Variants in ANKRD22 observed in about 807,000 individuals in gnomAD.
ANKRD22 encodes ankyrin repeat domain-containing protein 22.
A neutral mutation model predicts 25.7 loss-of-function variants in ANKRD22; 24 were observed. That is an observed-to-expected ratio of 0.93 (90% CI 0.68 to 1.31). ANKRD22 has a LOEUF of 1.31. ANKRD22 is among the 50% of genes most tolerant of loss of function. The probability of loss-of-function intolerance (pLI) is 0.00; values close to 1 mark genes in which losing one functional copy is unlikely to be tolerated. For synonymous variants in ANKRD22, 84 were observed against 84.3 expected (o/e 1.00, Z 0.02); for missense variants, 214 against 227.1 (o/e 0.94, Z 0.37).
intron 1 of ANKRD22, among the ~76,000 whole-genome samples, chr10:88,850,218 A>T (rs1844091429): frequency 6.6e-6 from 1 of 152,014 alleles, no homozygotes; most frequent in African/African-American, 2.4e-5. Context: ...TATAGATGAA[A>T]GGTCCTACTT....
At chr10:88,828,120 G>C (rs1377802829) in intron 3 of ANKRD22, among the ~76,000 whole-genome samples, 1 of 152,182 alleles carries the variant, frequency 6.6e-6, no homozygotes. Context: ...GTGTGTGTCA[G>C]CTTCTGGATG....
intron 1 of ANKRD22, among the ~76,000 whole-genome samples, chr10:88,837,503 C>T (rs1263217242): frequency 3.9e-5 from 6 of 152,128 alleles, no homozygotes; most frequent in African/African-American, 9.7e-5. Context: ...AAAATTCTGG[C>T]TCTAAGGCCA....
At chr10:88,851,299 G>A (rs377551556) in intron 1 of ANKRD22, among the ~76,000 whole-genome samples, 17 of 152,140 alleles carry the variant, frequency 1.1e-4, no homozygotes, top group African/African-American at 2.9e-4. Flanking sequence ...ACTCAAACTC[G>A]ATTTTGTCCA....
rs947617486 is a variant in ANKRD22 at position 88,831,912 on chromosome 10, A to G, written c.136T>C (p.Cys46Arg). The G allele has an allele frequency of 6.2e-7, 1 of 1,613,678 alleles. No individual in the cohort carries two copies. Among genetic ancestry groups the G allele is most frequent in the African/African-American group, 1.3e-5 (1 of 75,016 alleles). The change falls in exon 2 of 6, where the codon TGT (cysteine) becomes CGT (arginine). Residue 46 changes from cysteine to arginine, a missense_variant. By Grantham distance (180) the Cys-to-Arg change is radical. Coordinates refer to ENST00000371930, the MANE Select transcript of ANKRD22 (RefSeq NM_144590.3). ...DGFNGDTPLI[C>R]ACRRGHVRIV... ...CTCACATGCCCTCGCCTGCAAGCAC[A>G]GATCAGGGGCGTGTCTCCATTAAAG...
intron 4 of ANKRD22, among the ~76,000 whole-genome samples, chr10:88,824,756 C>A (rs1354066426): frequency 6.6e-6 from 1 of 152,058 alleles, no homozygotes; most frequent in Non-Finnish European, 1.5e-5. Context: ...AGAAAATATC[C>A]TAGAGAAATT....
Position 88,833,236 on chromosome 10 carries a change from T to C in ANKRD22, c.22-1210A>G, listed in dbSNP as rs370461169. Among the ~76,000 whole-genome samples, 11 of 151,610 alleles carry C rather than the reference T, an allele frequency of 7.3e-5. 1 individual carries two copies. In the East Asian group the frequency reaches 2.1e-3, roughly 29 times the overall value. Reference sequence around the variant, plus strand: ...GCACATGGGAGGCAAACACTGAATATTTTTAGACTAATCTTCAGATGATGT... The same window carrying C: ...GCACATGGGAGGCAAACACTGAATACTTTTAGACTAATCTTCAGATGATGT... On this transcript the variant is annotated intron_variant, in intron 1 of 5. Transcript: ENST00000371930.
intron 1 of ANKRD22, among the ~76,000 whole-genome samples, chr10:88,844,822 A>C (rs554337925): frequency 7.9e-5 from 12 of 152,252 alleles, no homozygotes; most frequent in African/African-American, 2.4e-4. Context: ...AAAAGCTTAT[A>C]TTGTAGAAGG....
At position 88,823,369 on chromosome 10, in the gene ANKRD22, T is replaced by C. The variant is rs1216518378; in HGVS notation, c.409A>G (p.Thr137Ala). 1 of 1,613,764 alleles carries C rather than the reference T, an allele frequency of 6.2e-7. No individual in the cohort carries two copies. Among genetic ancestry groups the C allele is most frequent in the East Asian group, 2.2e-5 (1 of 44,884 alleles). The change falls in exon 5 of 6, where the codon ACC becomes GCC. Residue 137 changes from threonine (T) to alanine (A), a missense_variant. Thr to Ala is a moderately conservative substitution (Grantham distance 58). Transcript: ENST00000371930. ...ATTTCACAGGCATAATGTAATGCGG[T>C]ACAGCCATACTGAAACACAAAGGGC... ...EVNATDCYGC[T>A]ALHYACEMKN...
chr10:88,820,378 A>G lies in ANKRD22; in HGVS notation c.*2563T>C. Reference sequence around the variant, plus strand: ...TCATCTACCATAAGAATATTCCTGAATGGGCTCACGTGGATTTCATCTGGG... The same window carrying G: ...TCATCTACCATAAGAATATTCCTGAGTGGGCTCACGTGGATTTCATCTGGG... On this transcript the variant is annotated 3_prime_UTR_variant, in exon 6 of 6. Coordinates refer to ENST00000371930, the MANE Select transcript of ANKRD22 (RefSeq NM_144590.3). The G allele has an allele frequency of 6.4e-7, 1 of 1,552,302 alleles. No homozygotes were observed. The highest frequency in any genetic ancestry group is 8.7e-7 in the Non-Finnish European group (1 of 1,147,128).
chr10:88,823,629 C>T (rs1056371890), intron 4 of ANKRD22: 3 of 368,426 alleles, frequency 8.1e-6, no homozygotes, highest in Non-Finnish European at 1.0e-5. Flanking sequence ...GGATCGAGAC[C>T]GTCCTGGCTA....
At position 88,821,585 on chromosome 10, in the gene ANKRD22, TA is replaced by T. The variant is rs1456123249; in HGVS notation, c.*1355del. On this transcript the variant is annotated 3_prime_UTR_variant, in exon 6 of 6. Coordinates refer to ENST00000371930, the MANE Select transcript of ANKRD22 (RefSeq NM_144590.3). Reference sequence around the variant, plus strand: ...AGCTCAATGCCAGTGAATCTTAATTTATTAAGACACGTTTAAAGACTTCAGA... The same window carrying T: ...AGCTCAATGCCAGTGAATCTTAATTTTTAAGACACGTTTAAAGACTTCAGA... Among the ~76,000 whole-genome samples, 3 of 152,248 alleles carry T rather than the reference TA, an allele frequency of 2.0e-5. No homozygotes were observed. Among genetic ancestry groups the T allele is most frequent in the Non-Finnish European group, 4.4e-5 (3 of 68,034 alleles).
chr10:88,832,971 A>G (rs1843921388), intron 1 of ANKRD22, among the ~76,000 whole-genome samples: 1 of 152,110 alleles, frequency 6.6e-6, no homozygotes, highest in Non-Finnish European at 1.5e-5. Context: ...CTCACCCTTC[A>G]TGTCATAATT....
At chr10:88,839,806 A>G (rs939352453) in intron 1 of ANKRD22, among the ~76,000 whole-genome samples, 1 of 152,184 alleles carries the variant, frequency 6.6e-6, no homozygotes, top group Non-Finnish European at 1.5e-5. Context: ...GACCAGGACA[A>G]TATTTCGCCT....
In ANKRD22 at chr10:88,822,543, G is replaced by GTTTTTTTTTTTTTTTTTTTTTTTTTTTT. The variant is rs1491462149; in HGVS notation, c.*397_*398insAAAAAAAAAAAAAAAAAAAAAAAAAAAA. ...GAAAGACTGAGTTTGGAACACCAGG[G>GTTTTTTTTTTTTTTTTTTTTTTTTTTTT]CTTTTTTTTTTTTTTTTTTTTTTGA... On this transcript the variant is annotated 3_prime_UTR_variant, in exon 6 of 6. Coordinates refer to ENST00000371930, the MANE Select transcript of ANKRD22 (RefSeq NM_144590.3). The GTTTTTTTTTTTTTTTTTTTTTTTTTTTT allele has an allele frequency of 2.5e-4, 5 of 19,714 alleles. No homozygotes were observed. Among genetic ancestry groups the GTTTTTTTTTTTTTTTTTTTTTTTTTTTT allele is most frequent in the Non-Finnish European group, 4.0e-4 (5 of 12,578 alleles). The allele number at this position is 19,714 out of a possible 1,614,324, so 1.2% of individuals were successfully genotyped here. A position where few individuals can be genotyped will look rare whatever the true frequency, so the allele number is the denominator to read the frequency against.
At chr10:88,850,422 G>A (rs1243853633) in intron 1 of ANKRD22, among the ~76,000 whole-genome samples, 5 of 152,020 alleles carry the variant, frequency 3.3e-5, no homozygotes, top group Non-Finnish European at 4.4e-5. Flanking sequence ...ATTAAAAACG[G>A]GAAAGCACTG....
At chr10:88,823,540 A>T (rs1369961482) in intron 4 of ANKRD22, 162 bp from the exon 5 acceptor site, 5 of 613,396 alleles carry the variant, frequency 8.2e-6, no homozygotes, top group East Asian at 2.9e-5. Context: ...TACTTAAAAA[A>T]TTTTTCGCCG....
chr10:88,849,916 C>A (rs1403373114), intron 1 of ANKRD22, among the ~76,000 whole-genome samples: 1 of 151,992 alleles, frequency 6.6e-6, no homozygotes, highest in African/African-American at 2.4e-5. Flanking sequence ...ATATATATTG[C>A]ATAACTATTA....
At chr10:88,823,448 T>C in intron 4 of ANKRD22, 70 bp from the exon 5 acceptor site, 7 of 1,118,662 alleles carry the variant, frequency 6.3e-6, no homozygotes, top group South Asian at 3.7e-5. Flanking sequence ...TGTGGCTTCA[T>C]TGGCAAATCC....
chr10:88,823,093 C>G, intron 5 of ANKRD22, 75 bp from the exon 6 acceptor site: 1 of 1,455,098 alleles, frequency 6.9e-7, no homozygotes, highest in Non-Finnish European at 9.6e-7. Flanking sequence ...CCAATTGACT[C>G]TCTGTGTTGG....
Sources: allele counts gnomAD v4.1 joint callset (sites outside exome capture counted in the v4.1 genomes callset), GRCh38; gene constraint gnomAD v4.1.1; transcripts MANE v1.5; gene names NCBI Gene and HGNC (gene_info 2026-07-23, HGNC 2026-07-21).